BRD2: variants seen among roughly 807,000 people sequenced by gnomAD.
BRD2 encodes the protein bromodomain-containing protein 2.
BRD2 carries 15 observed loss-of-function variants against 79.1 expected under a neutral mutation model. The ratio of observed to expected loss-of-function variants is 0.19; its 90% CI spans 0.13 to 0.29. The LOEUF is 0.29. BRD2 is among the 10% of genes least tolerant of loss of function. The pLI, the probability that BRD2 is intolerant of heterozygous loss-of-function variation, is 1.00. For missense variants in BRD2, 1,053 were observed against 991.3 expected (o/e 1.06, Z -0.84); for synonymous variants, 488 against 358.6 (o/e 1.36, Z -4.08).
At position 32,977,914 on chromosome 6, in the gene BRD2, A is replaced by T; in HGVS notation, c.1487A>T (p.Glu496Val). 1 of 1,612,654 alleles carries T rather than the reference A, an allele frequency of 6.2e-7. No individual in the cohort carries two copies. Among genetic ancestry groups the T allele is most frequent in the Non-Finnish European group, 8.5e-7 (1 of 1,179,772 alleles). Residue 496 changes from glutamate to valine, a missense_variant, in exon 9 of 13, where the codon GAG (glutamate) becomes GTG (valine). By Grantham distance (121) the Glu-to-Val change is moderately radical. This residue lies in a region of BRD2 where 454 missense variants were observed against 430.5 expected (regional missense o/e 1.05). Transcript: ENST00000374825. ...GAGAGCTCCTCTGAGGAAGAGGAGG[A>T]GGAAGATGAGGAGGACGAGGAGGAA... is the stretch of plus-strand genomic sequence containing the variant. Reference protein sequence around the residue: ...SSESSSEEEEEEDEEDEEEEE... With the variant: ...SSESSSEEEEVEDEEDEEEEE...
intron 10 of BRD2, chr6:32,979,524 G>T: frequency 2.4e-6 from 1 of 411,602 alleles, no homozygotes; most frequent in Non-Finnish European, 4.3e-6. Context: ...TGACAACCCT[G>T]TGTGGAGCAA....
chr6:32,977,353 A>G (rs1778901143), intron 7 of BRD2, 89 bp from the exon 8 acceptor site: 1 of 1,609,980 alleles, frequency 6.2e-7, no homozygotes, highest in South Asian at 1.1e-5. Context: ...TGTGCTCTCA[A>G]GAGAGGGCTC....
rs547700086 is a variant in BRD2 at position 32,972,182 on chromosome 6, C to A, written c.-717C>A. The A allele has an allele frequency of 1.7e-6, 1 of 571,748 alleles. No homozygotes were observed. The highest frequency in any genetic ancestry group is 3.2e-6 in the Non-Finnish European group (1 of 315,482). The allele number at this position is 571,748 out of a possible 1,614,324, so 35.4% of individuals were successfully genotyped here. On this transcript the variant is annotated 5_prime_UTR_variant, in exon 2 of 13. Transcript: ENST00000374825. ...TCCCCGCCTATATATAAAGGGCTGG[C>A]GCGGGGCTCGGCGGCGCCATTTCGT...
intron 7 of BRD2, 52 bp from the exon 8 acceptor site, chr6:32,977,390 G>A: frequency 6.2e-7 from 1 of 1,612,826 alleles, no homozygotes; most frequent in Non-Finnish European, 8.5e-7. Context: ...GGTTGGCAGG[G>A]AAAGGTGAGT....
At position 32,976,003 on chromosome 6, in the gene BRD2, TTC is replaced by T. The variant is rs757248504; in HGVS notation, c.472-26_472-25del. The T allele has an allele frequency of 1.9e-6, 3 of 1,574,882 alleles. No homozygotes were observed. In the South Asian group the frequency reaches 3.6e-5, roughly 19 times the overall value. On this transcript the variant is annotated intron_variant, in intron 4 of 12. Transcript: ENST00000374825. ...TATCTTCTGTTGGCATTTTTTAACT[TTC>T]TTTATTGCTGTCTGTGTTCTCATAG...
chr6:32,976,207 G>T, intron 5 of BRD2, 38 bp downstream of exon 5: 4 of 1,610,680 alleles, frequency 2.5e-6, no homozygotes, highest in Non-Finnish European at 3.4e-6. Context: ...GACAACTAAA[G>T]ATGGGGAAGA....
intron 9 of BRD2, 28 bp from the exon 10 acceptor site, chr6:32,978,098 T>C: frequency 6.3e-7 from 1 of 1,593,890 alleles, no homozygotes; most frequent in Non-Finnish European, 8.5e-7. Context: ...TTATTTACTT[T>C]TTCCACTTCA....
chr6:32,976,848 C>T lies in BRD2; in HGVS notation c.1112C>T (p.Pro371Leu), dbSNP rs753372127. The T allele has an allele frequency of 3.1e-6, 5 of 1,613,174 alleles. No homozygotes were observed. The highest frequency in any genetic ancestry group is 2.2e-5 in the South Asian group (2 of 91,088). Residue 371 changes from proline to leucine, a missense_variant, in exon 7 of 13, where the codon CCT becomes CTT. By Grantham distance (98) the Pro-to-Leu change is moderately conservative. Transcript: ENST00000374825. ...AAGAAGCATGCTGCCTATGCTTGGC[C>T]TTTCTATAAACCAGTGGATGCTTCT... ...LSKKHAAYAW[P>L]FYKPVDASAL...
rs1779534124 is a variant in BRD2, at chr6:32,981,365, G to A, written c.*647G>A. Reference sequence around the variant, plus strand: ...TAGTGTTTCAAAAGGAACATCATAAGAATTGTCTTGATAATTTTGAGGGAA... The same window carrying A: ...TAGTGTTTCAAAAGGAACATCATAAAAATTGTCTTGATAATTTTGAGGGAA... On this transcript the variant is annotated 3_prime_UTR_variant, in exon 13 of 13. Transcript: ENST00000374825. 1 of 152,108 alleles carries A rather than the reference G, an allele frequency of 6.6e-6. No homozygotes were observed. The highest frequency in any genetic ancestry group is 6.5e-5 in the Admixed American group (1 of 15,278). The allele number at this position is 152,108 out of a possible 1,614,324, so 9.4% of individuals were successfully genotyped here.
rs773632868 is a variant in BRD2 at position 32,971,989 on chromosome 6, G to T, written c.-910G>T. On this transcript the variant is annotated 5_prime_UTR_variant, in exon 2 of 13. An upstream start codon of the reference 5' UTR is lost. Coordinates refer to ENST00000374825, the MANE Select transcript of BRD2 (RefSeq NM_005104.4). ...GCCTGGTGACTGACACCTTGGAAAT[G>T]AAGTTTATGACGTCATCGTTGCGGC... The T allele has an allele frequency of 1.4e-6, 1 of 702,656 alleles. No homozygotes were observed. The highest frequency in any genetic ancestry group is 1.7e-5 in the African/African-American group (1 of 57,200). 43.5% of individuals were successfully genotyped at this position (702,656 alleles called of 1,614,324 possible).
Position 32,979,841 on chromosome 6 carries a change from G to T in BRD2, c.1855G>T (p.Ala619Ser). ...GGSGTKLPKK[A>S]TKTAPPALPT... ...TTTTGCCCTTAGGCTCCCCAAAAAG[G>T]CCACAAAGACAGCCCCACCTGCCCT... The change falls in exon 11 of 13, where the codon GCC becomes TCC. Residue 619 changes from alanine to serine, a missense_variant. Coordinates refer to ENST00000374825, the MANE Select transcript of BRD2 (RefSeq NM_005104.4). 1 of 1,611,702 alleles carries T rather than the reference G, an allele frequency of 6.2e-7. No homozygotes were observed. The highest frequency in any genetic ancestry group is 1.1e-5 in the South Asian group (1 of 91,028).
chr6:32,980,630 G>T lies in BRD2; in HGVS notation c.2318G>T (p.Arg773Leu). 6.2e-7 allele frequency: 1 copy of T among 1,613,138 alleles called. No homozygotes were observed. Among genetic ancestry groups the T allele is most frequent in the Non-Finnish European group, 8.5e-7 (1 of 1,180,044 alleles). Residue 773 changes from arginine to leucine, a missense_variant, in exon 13 of 13, where the codon CGC becomes CTC. Physicochemically the swap from Arg to Leu is moderately radical, Grantham distance 102. Around this residue, in one of 5 missense-constraint regions of BRD2, gnomAD observed 139 missense variants for 133.2 expected, o/e 1.04. Coordinates refer to ENST00000374825, the MANE Select transcript of BRD2 (RefSeq NM_005104.4). ...SSSAQQVAVSRLSASSSSSDS... is the reference protein window; with the variant it reads ...SSSAQQVAVSLLSASSSSSDS... The stretch of plus-strand genomic sequence containing the variant: ...TCTGCACAGCAAGTAGCAGTGTCAC[G>T]CCTTAGCGCTTCCAGCTCCAGCTCA...
chr6:32,978,477 G>T, intron 10 of BRD2, 89 bp downstream of exon 10: 1 of 1,536,450 alleles, frequency 6.5e-7, no homozygotes. Flanking sequence ...ATTCTAAATG[G>T]CCAGTTAACA....
In BRD2 at chr6:32,976,365, C is replaced by T. The variant is rs141377590; in HGVS notation, c.726C>T (p.His242=). 115 of 1,613,068 alleles carry T rather than the reference C, an allele frequency of 7.1e-5. No homozygotes were observed. The African/African-American group carries it at 1.3e-3, about 18-fold the overall frequency. ...EIPTTVLNIP[H]PSVISSPLLK... ...CTACCACTGTCCTCAACATTCCCCA[C>T]CCATCAGTCATTTCCTCTCCACTTC... The change falls in exon 6 of 13, where the codon CAC becomes CAT. Residue 242 remains histidine, a synonymous_variant. Coordinates refer to ENST00000374825, the MANE Select transcript of BRD2 (RefSeq NM_005104.4).
chr6:32,973,992 A>G (rs930592234), intron 2 of BRD2, among the ~76,000 whole-genome samples: 2 of 152,094 alleles, frequency 1.3e-5, no homozygotes, highest in African/African-American at 4.8e-5. Flanking sequence ...TCTGTGTCTT[A>G]TCAGCATTTT....
At position 32,977,471 on chromosome 6, in the gene BRD2, T is replaced by C; in HGVS notation, c.1230T>C (p.Asp410=). 4 of 1,614,014 alleles carry C rather than the reference T, an allele frequency of 2.5e-6. No homozygotes were observed. The highest frequency in any genetic ancestry group is 3.4e-6 in the Non-Finnish European group (4 of 1,180,036). Residue 410 remains aspartate (D), a synonymous_variant, in exon 8 of 13, where the codon GAT becomes GAC. Coordinates refer to ENST00000374825, the MANE Select transcript of BRD2 (RefSeq NM_005104.4). Reference sequence around the variant, plus strand: ...AGATGGAGAACCGTGATTACCGGGATGCACAGGAGTTTGCTGCTGATGTAC... The same window carrying C: ...AGATGGAGAACCGTGATTACCGGGACGCACAGGAGTTTGCTGCTGATGTAC... ...KRKMENRDYR[D]AQEFAADVRL...
chr6:32,974,939 C>G (rs923465005), intron 3 of BRD2, 174 bp downstream of exon 3: 6 of 1,408,658 alleles, frequency 4.3e-6, no homozygotes, highest in Non-Finnish European at 5.8e-6. Context: ...GATCCGACCG[C>G]TTGCTGTAAC....
Position 32,976,750 on chromosome 6 carries a change from C to G in BRD2, c.1014C>G (p.His338Gln). Reference protein sequence around the residue: ...RKDLPDSQQQHQSSKKGKLSE... With the variant: ...RKDLPDSQQQQQSSKKGKLSE... ...ACTTGCCTGACTCTCAGCAACAACA[C>G]CAGAGCTCTAAGAAAGGAAAGCTTT... is the stretch of plus-strand genomic sequence containing the variant. Residue 338 changes from histidine (H) to glutamine (Q), a missense_variant, in exon 7 of 13, where the codon CAC (histidine) becomes CAG (glutamine). His to Gln is a conservative substitution (Grantham distance 24). Around this residue, in one of 5 missense-constraint regions of BRD2, gnomAD observed 454 missense variants for 430.5 expected, o/e 1.05. Coordinates refer to ENST00000374825, the MANE Select transcript of BRD2 (RefSeq NM_005104.4). 1 of 1,613,292 alleles carries G rather than the reference C, an allele frequency of 6.2e-7. No homozygotes were observed. Among genetic ancestry groups the G allele is most frequent in the Non-Finnish European group, 8.5e-7 (1 of 1,180,038 alleles).
intron 3 of BRD2, 31 bp from the exon 4 acceptor site, chr6:32,975,353 T>G (rs1329302290): frequency 6.4e-7 from 1 of 1,566,416 alleles, no homozygotes; most frequent in African/African-American, 1.4e-5. Context: ...TTTATTTTTC[T>G]GTGGTTCTGA....
Sources: gnomAD v4.1 joint callset for allele counts (sites outside exome capture counted in the v4.1 genomes callset) on GRCh38, gnomAD v4.1.1 for gene constraint, gnomAD v4.1.1 regional missense constraint, MANE v1.5 for transcripts, NCBI Gene and HGNC (gene_info 2026-07-23, HGNC 2026-07-21) for gene names.